Variants in TRPC5 observed in about 807,000 individuals in gnomAD.
The protein encoded by TRPC5 is short transient receptor potential channel 5.
TRPC5 carries 9 observed loss-of-function variants against 56.5 expected under a neutral mutation model. That is an observed-to-expected ratio of 0.16 (90% confidence interval 0.10 to 0.28). TRPC5 has a LOEUF of 0.28. Ranked by LOEUF, TRPC5 falls within the 10% of genes least tolerant of loss-of-function variation. TRPC5 has a pLI of 1.00. For synonymous variants in TRPC5, 282 were observed against 278.5 expected (o/e 1.01, Z -0.13); for missense variants, 469 against 748.9 (o/e 0.63, Z 4.36).
intron 1 of TRPC5, among the ~76,000 whole-genome samples, chrX:112,007,555 T>C (rs901155167): frequency 3.6e-5 from 4 of 111,696 alleles, no homozygotes; most frequent in African/African-American, 1.3e-4. Context: ...TCTCCCTCCC[T>C]CCACACCTAA....
chrX:112,028,905 G>A (rs1229504725), intron 1 of TRPC5, among the ~76,000 whole-genome samples: 2 of 112,307 alleles, frequency 1.8e-5, no homozygotes, highest in African/African-American at 6.5e-5. Context: ...GTGTAAAAGT[G>A]TTCCTATTTC....
intron 1 of TRPC5, among the ~76,000 whole-genome samples, chrX:111,993,247 C>G (rs1928416468): frequency 9.0e-6 from 1 of 111,411 alleles, no homozygotes; most frequent in Non-Finnish European, 1.9e-5. Flanking sequence ...TTCTTTACGG[C>G]TGCATAGTAT....
At chrX:111,930,785 G>C (rs1926390285) in intron 2 of TRPC5, 1 of 110,816 alleles carries the variant, frequency 9.0e-6, no homozygotes, top group Non-Finnish European at 1.9e-5. Flanking sequence ...AGAAGGTTTG[G>C]AGACGGTAGC....
At chrX:112,013,015 A>G (rs1293802080) in intron 1 of TRPC5, among the ~76,000 whole-genome samples, 1 of 112,241 alleles carries the variant, frequency 8.9e-6, no homozygotes, top group African/African-American at 3.2e-5. Context: ...GGTGCTGGAA[A>G]TTGATCCTGT....
At chrX:111,824,706 T>A (rs1165300609) in intron 7 of TRPC5, among the ~76,000 whole-genome samples, 1 of 111,460 alleles carries the variant, frequency 9.0e-6, no homozygotes, top group Non-Finnish European at 1.9e-5. Context: ...ATGATTTTTC[T>A]AAAGGTAGGC....
At chrX:112,055,580 A>G (rs1930323144) in intron 1 of TRPC5, among the ~76,000 whole-genome samples, 2 of 109,902 alleles carry the variant, frequency 1.8e-5, no homozygotes, top group Admixed American at 2.0e-4. Context: ...TTTTAGTGAA[A>G]GCCAAAAAGA....
chrX:112,046,152 G>A (rs1380350642), intron 1 of TRPC5, among the ~76,000 whole-genome samples: 1 of 107,648 alleles, frequency 9.3e-6, no homozygotes, highest in Non-Finnish European at 1.9e-5. Flanking sequence ...AAAACTAGAT[G>A]CATCATAACT....
intron 1 of TRPC5, among the ~76,000 whole-genome samples, chrX:111,953,538 G>A (rs1328243812): frequency 9.0e-6 from 1 of 111,592 alleles, no homozygotes; most frequent in Non-Finnish European, 1.9e-5. Flanking sequence ...CTTCTCCAAG[G>A]GAGAAAATGA....
At chrX:111,850,437 C>T (rs1248846399) in intron 5 of TRPC5, among the ~76,000 whole-genome samples, 1 of 111,874 alleles carries the variant, frequency 8.9e-6, no homozygotes, top group African/African-American at 3.3e-5. Context: ...TGATTGAAAA[C>T]ATTTCAAGGA....
intron 1 of TRPC5, among the ~76,000 whole-genome samples, chrX:112,056,252 G>T (rs1400960923): frequency 9.0e-6 from 1 of 111,719 alleles, no homozygotes; most frequent in African/African-American, 3.3e-5. Context: ...TGTATACAGT[G>T]GCCCTGCATG....
At chrX:111,905,495 G>A (rs1240786600) in intron 3 of TRPC5, among the ~76,000 whole-genome samples, 5 of 111,645 alleles carry the variant, frequency 4.5e-5, no homozygotes, top group African/African-American at 1.3e-4. Flanking sequence ...ATCTCTTCAG[G>A]GTAATAAATA....
chrX:111,992,546 A>G (rs1928383220), intron 1 of TRPC5, among the ~76,000 whole-genome samples: 1 of 109,847 alleles, frequency 9.1e-6, no homozygotes, highest in Admixed American at 9.8e-5. Context: ...TCCTCTTTAA[A>G]TCTTATTCTC....
intron 1 of TRPC5, among the ~76,000 whole-genome samples, chrX:112,028,903 G>C (rs1929504927): frequency 8.9e-6 from 1 of 112,372 alleles, no homozygotes. Context: ...CAGTGTAAAA[G>C]TGTTCCTATT....
chrX:112,015,276 G>A (rs760718726), intron 1 of TRPC5, among the ~76,000 whole-genome samples: 2 of 111,185 alleles, frequency 1.8e-5, no homozygotes, highest in Non-Finnish European at 3.8e-5. Context: ...CTCTAGATTC[G>A]GTGGTCCTGA....
At chrX:111,911,159 A>G (rs768845614) in intron 3 of TRPC5, among the ~76,000 whole-genome samples, 2 of 89,769 alleles carry the variant, frequency 2.2e-5, no homozygotes, top group Non-Finnish European at 4.3e-5. Flanking sequence ...AAGGGACCAG[A>G]TAAACACACA....
At chrX:112,017,295 G>A (rs777820529) in intron 1 of TRPC5, among the ~76,000 whole-genome samples, 1 of 111,334 alleles carries the variant, frequency 9.0e-6, no homozygotes, top group African/African-American at 3.3e-5. Flanking sequence ...TTACAGGTGT[G>A]AGCCACCGCG....
rs1945865645 is a variant in TRPC5, at chrX:111,774,823, AC to A, written c.*1489del. On this transcript the variant is annotated 3_prime_UTR_variant, in exon 11 of 11. Coordinates refer to ENST00000262839, the MANE Select transcript of TRPC5 (RefSeq NM_012471.3). ...CCTATTGGTGTTGACATTAAAAAAA[AC>A]AGCGTGACACCTATTTTACTTTTCT... is the stretch of plus-strand genomic sequence containing the variant. 3 of 111,261 alleles carry A rather than the reference AC, an allele frequency of 2.7e-5. No homozygotes were observed. In the South Asian group the frequency reaches 1.2e-3, roughly 43 times the overall value. The allele number at this position is 111,261 out of a possible 1,213,427, so 9.2% of individuals were successfully genotyped here.
Position 111,773,625 on chromosome X carries a change from A to G in TRPC5, c.*2688T>C, listed in dbSNP as rs777156016. On this transcript the variant is annotated 3_prime_UTR_variant, in exon 11 of 11. Transcript: ENST00000262839. ...ATATGCTTACTAATAAATGTCTTCT[A>G]TAATCTAGAAGACTTGAGTTTATTG... 5.4e-4 allele frequency among the ~76,000 whole-genome samples: 60 copies of G among 111,571 alleles called. No individual in the cohort carries two copies. The highest frequency in any genetic ancestry group is 1.0e-3 in the Non-Finnish European group (55 of 53,131).
At chrX:111,873,409 C>T (rs142581066) in intron 3 of TRPC5, among the ~76,000 whole-genome samples, 1,192 of 111,265 alleles carry the variant, frequency 0.011, 11 homozygotes, top group Admixed American at 0.035. Flanking sequence ...TGTTTACTGC[C>T]TGGGTGATGG....
Sources: gnomAD v4.1 joint callset for allele counts (sites outside exome capture counted in the v4.1 genomes callset) on GRCh38, gnomAD v4.1.1 for gene constraint, MANE v1.5 for transcripts, NCBI Gene and HGNC (gene_info 2026-07-23, HGNC 2026-07-21) for gene names.